The following SND1 variants were observed in gnomAD, a reference collection of about 807,000 sequenced individuals.
SND1 encodes staphylococcal nuclease and tudor domain containing 1.
In SND1, 38 loss-of-function variants were observed where a neutral mutation model predicts 121.7. The ratio of observed to expected loss-of-function variants is 0.31; its 90% CI spans 0.24 to 0.41. The LOEUF is 0.41. Among genes scored for constraint, SND1 ranks in the 10% least tolerant of loss-of-function variants. SND1 has a pLI of 1.00. For synonymous variants in SND1, 401 were observed against 447.4 expected, an observed-to-expected ratio of 0.90 and a Z score of 1.31; for missense variants, 868 against 1,184.6, an observed-to-expected ratio of 0.73 and a Z score of 3.92.
chr7:127,937,800 G>A (rs1801094264), intron 15 of SND1, among the ~76,000 whole-genome samples: 1 of 152,220 alleles, frequency 6.6e-6, no homozygotes, highest in East Asian at 1.9e-4. Context: ...CCTGGTCCCA[G>A]GAATGGTGGA....
chr7:128,019,991 A>G (rs983934408), intron 16 of SND1, among the ~76,000 whole-genome samples: 1 of 152,200 alleles, frequency 6.6e-6, no homozygotes, highest in Admixed American at 6.5e-5. Flanking sequence ...ATGACCTTGA[A>G]CAGACCTCTA....
chr7:128,030,422 A>C (rs1055564245), intron 16 of SND1: 1 of 1,613,882 alleles, frequency 6.2e-7, no homozygotes, highest in Non-Finnish European at 8.5e-7. Flanking sequence ...TGTTCGAGGG[A>C]ATACCCTGCG....
intron 8 of SND1, among the ~76,000 whole-genome samples, chr7:127,707,187 T>C (rs981868328): frequency 6.6e-6 from 1 of 152,222 alleles, no homozygotes; most frequent in Non-Finnish European, 1.5e-5. Context: ...GTAATTCAGA[T>C]AGAAATTGAG....
intron 12 of SND1, among the ~76,000 whole-genome samples, chr7:127,852,559 A>C (rs988222885): frequency 1.4e-5 from 2 of 147,394 alleles, no homozygotes; most frequent in Non-Finnish European, 1.5e-5. Context: ...CCTGTAATCC[A>C]AGCACTTTGG....
chr7:127,753,900 G>A (rs1426298576), intron 10 of SND1, among the ~76,000 whole-genome samples: 3 of 152,178 alleles, frequency 2.0e-5, no homozygotes, highest in Non-Finnish European at 4.4e-5. Flanking sequence ...AGATCTCAGT[G>A]AGGAAGTAAG....
chr7:128,028,508 TTTTTG>T (rs1425796335), intron 16 of SND1: 37 of 624,088 alleles, frequency 5.9e-5, no homozygotes, highest in East Asian at 5.3e-4. Context: ...TTAGAAAATA[TTTTTG>T]TTTTGACTTT....
intron 15 of SND1, among the ~76,000 whole-genome samples, chr7:127,934,122 G>T (rs1228574404): frequency 3.3e-5 from 5 of 151,384 alleles, no homozygotes; most frequent in Non-Finnish European, 5.9e-5. Context: ...CACCTCCCTA[G>T]GTGCTGGTAT....
chr7:128,064,681 G>C (rs1387767314), intron 16 of SND1, among the ~76,000 whole-genome samples: 1 of 152,190 alleles, frequency 6.6e-6, no homozygotes, highest in Non-Finnish European at 1.5e-5. Context: ...CTATAATTCA[G>C]AGAGCAGTGG....
chr7:127,938,366 C>G (rs1284743994), intron 15 of SND1, among the ~76,000 whole-genome samples: 1 of 152,174 alleles, frequency 6.6e-6, no homozygotes, highest in African/African-American at 2.4e-5. Flanking sequence ...AGGATAACTT[C>G]TCCCTCGAAT....
At chr7:127,833,102 T>C (rs1304331123) in intron 11 of SND1, among the ~76,000 whole-genome samples, 1 of 152,072 alleles carries the variant, frequency 6.6e-6, no homozygotes, top group African/African-American at 2.4e-5. Context: ...GCCAAGTGTA[T>C]TTTATATCCT....
chr7:127,720,809 A>ACTTGCC (rs1278922848), intron 9 of SND1, among the ~76,000 whole-genome samples: 2 of 152,024 alleles, frequency 1.3e-5, no homozygotes, highest in Non-Finnish European at 2.9e-5. Flanking sequence ...TTTGCCCTTC[A>ACTTGCC]CTTGCCTTTG....
At chr7:128,089,116 G>T (rs920584110) in intron 21 of SND1, among the ~76,000 whole-genome samples, 1 of 152,078 alleles carries the variant, frequency 6.6e-6, no homozygotes, top group African/African-American at 2.4e-5. Context: ...GTGCAGTGGC[G>T]CAATATTGGC....
chr7:127,886,219 C>T (rs1001506326), intron 12 of SND1, among the ~76,000 whole-genome samples: 1 of 151,936 alleles, frequency 6.6e-6, no homozygotes, highest in South Asian at 2.1e-4. Context: ...AGTAGATAAA[C>T]AGACATCCGA....
intron 15 of SND1, among the ~76,000 whole-genome samples, chr7:127,980,374 C>T (rs1283304799): frequency 1.5e-5 from 2 of 131,960 alleles, no homozygotes; most frequent in East Asian, 4.0e-4. Context: ...CCCGCCTCGG[C>T]CTCCCAAAGT....
rs1800957364 is a variant in SND1, at chr7:127,931,638, C to T, written c.1669+2309C>T. The stretch of plus-strand genomic sequence containing the variant: ...AGATGCCATTCCAGGATTTTGGTAG[C>T]TAGAGAGAAGTCAGTGCCTGCCTTC... On this transcript the variant is annotated intron_variant, in intron 15 of 23. Coordinates refer to ENST00000354725, the MANE Select transcript of SND1 (RefSeq NM_014390.4). Among the ~76,000 whole-genome samples the T allele has an allele frequency of 2.0e-5, 3 of 152,282 alleles. 1 individual carries two copies. The highest frequency in any genetic ancestry group is 3.9e-4 in the East Asian group (2 of 5,180).
intron 11 of SND1, among the ~76,000 whole-genome samples, chr7:127,835,382 T>G (rs1798847791): frequency 6.6e-6 from 1 of 152,208 alleles, no homozygotes; most frequent in Non-Finnish European, 1.5e-5. Context: ...TTCTCCTGAC[T>G]GCTGGTGACC....
intron 2 of SND1, among the ~76,000 whole-genome samples, chr7:127,687,864 A>AT (rs1051675585): frequency 5.9e-5 from 9 of 151,292 alleles, no homozygotes; most frequent in African/African-American, 9.7e-5. Flanking sequence ...TTTTATTTTT[A>AT]TTTTTTTTAG....
Position 128,085,779 on chromosome 7 carries a change from A to C in SND1, c.2303A>C (p.Asn768Thr). ...CATGTCTTCTACATTGACTACGGCAACGTGAGTGTTGGGGACCAGAGTGTT... is the reference window on the plus strand; with the variant it reads ...CATGTCTTCTACATTGACTACGGCACCGTGAGTGTTGGGGACCAGAGTGTT... ...KIHVFYIDYG[N>T]REVLPSTRLG... Residue 768 changes from asparagine (N) to threonine (T), a missense_variant and splice_region_variant, in exon 20 of 24, where the codon AAC becomes ACC. By Grantham distance (65) the Asn-to-Thr change is moderately conservative. This residue lies in a region of SND1 where 743 missense variants were observed against 1,071.3 expected (regional missense o/e 0.69). Transcript: ENST00000354725. The surrounding 1 kb of genome is among the most constrained non-coding windows in gnomAD (Gnocchi z 4.4). 1 of 1,613,904 alleles carries C rather than the reference A, an allele frequency of 6.2e-7. No individual in the cohort carries two copies. Among genetic ancestry groups the C allele is most frequent in the Non-Finnish European group, 8.5e-7 (1 of 1,179,842 alleles).
intron 10 of SND1, among the ~76,000 whole-genome samples, chr7:127,797,864 A>G (rs1798054538): frequency 6.6e-6 from 1 of 152,178 alleles, no homozygotes; most frequent in East Asian, 1.9e-4. Flanking sequence ...TAAGCTATTT[A>G]AAGTCCTGAC....
Sources: allele counts gnomAD v4.1 joint callset (sites outside exome capture counted in the v4.1 genomes callset), GRCh38; gene constraint gnomAD v4.1.1; regional missense constraint gnomAD v4.1.1; non-coding constraint Gnocchi (gnomAD v3.1); transcripts MANE v1.5; gene names NCBI Gene and HGNC (gene_info 2026-07-23, HGNC 2026-07-21).